GAD2: variants seen among roughly 807,000 people sequenced by gnomAD.
The protein encoded by GAD2 is glutamate decarboxylase 2, also known as 65 kDa glutamic acid decarboxylase.
A neutral mutation model predicts 80.1 loss-of-function variants in GAD2; 22 were observed. The ratio of observed to expected loss-of-function variants is 0.27; its 90% CI spans 0.20 to 0.39. GAD2 has a LOEUF of 0.39. GAD2 is among the 10% of genes least tolerant of loss of function. The pLI is 1.00. For missense variants in GAD2, 624 were observed against 738.4 expected (o/e 0.85, Z 1.80); for synonymous variants, 274 against 256.9 (o/e 1.07, Z -0.64).
intron 8 of GAD2, among the ~76,000 whole-genome samples, chr10:26,258,409 C>T (rs1844969972): frequency 6.6e-6 from 1 of 152,142 alleles, no homozygotes; most frequent in Admixed American, 6.5e-5. Flanking sequence ...CGATCTGAGC[C>T]ATTTTTAATT....
intron 7 of GAD2, among the ~76,000 whole-genome samples, chr10:26,236,165 G>A (rs1844668870): frequency 6.6e-6 from 1 of 152,142 alleles, no homozygotes; most frequent in South Asian, 2.1e-4. Context: ...CCAGGCTGGA[G>A]TACAGTGGCA....
chr10:26,238,443 G>C (rs924996406), intron 7 of GAD2, among the ~76,000 whole-genome samples: 3 of 152,212 alleles, frequency 2.0e-5, no homozygotes, highest in African/African-American at 7.2e-5. Context: ...AATGACTGAA[G>C]ACATACTCAC....
In GAD2 at chr10:26,247,642, T is replaced by A. The variant is rs982266958; in HGVS notation, c.920+1642T>A. Among the ~76,000 whole-genome samples the A allele has an allele frequency of 8.5e-5, 13 of 152,086 alleles. No homozygotes were observed. The East Asian group carries it at 2.5e-3, about 29-fold the overall frequency. On this transcript the variant is annotated intron_variant, in intron 8 of 15. Coordinates refer to ENST00000376261, the MANE Select transcript of GAD2 (RefSeq NM_001134366.2). The stretch of plus-strand genomic sequence containing the variant: ...TGGGGGCAGTGGCTCACGTCTGTAA[T>A]CCCAGCATTTTGGGAGGCCGAGGCG...
At chr10:26,264,723 G>A (rs1004832051) in intron 8 of GAD2, among the ~76,000 whole-genome samples, 3 of 152,176 alleles carry the variant, frequency 2.0e-5, no homozygotes, top group Admixed American at 1.3e-4. Context: ...AGCAGGGATC[G>A]CACAGTTACT....
At position 26,297,207 on chromosome 10, in the gene GAD2, A is replaced by G. The variant is rs570698035; in HGVS notation, c.1585-3581A>G. ...CTCCCAAAGTGCTGGGATTACAGGCATGAGCCACCAAGCCTAGCCAACAGT... is the reference window on the plus strand; with the variant it reads ...CTCCCAAAGTGCTGGGATTACAGGCGTGAGCCACCAAGCCTAGCCAACAGT... On this transcript the variant is annotated intron_variant, in intron 15 of 15. Coordinates refer to ENST00000376261, the MANE Select transcript of GAD2 (RefSeq NM_001134366.2). Among the ~76,000 whole-genome samples the G allele has an allele frequency of 3.9e-5, 6 of 152,326 alleles. No homozygotes were observed. The East Asian group carries it at 7.7e-4, about 20-fold the overall frequency.
intron 8 of GAD2, among the ~76,000 whole-genome samples, chr10:26,252,865 T>A (rs1844896179): frequency 7.0e-6 from 1 of 141,962 alleles, no homozygotes; most frequent in Admixed American, 7.0e-5. Context: ...TCCATGCTGG[T>A]CAGGCTGCTC....
chr10:26,260,380 G>A (rs1265212764), intron 8 of GAD2, among the ~76,000 whole-genome samples: 1 of 152,164 alleles, frequency 6.6e-6, no homozygotes, highest in African/African-American at 2.4e-5. Context: ...TGTAATCCCA[G>A]CACTTTGGAG....
At chr10:26,224,935 A>G (rs1844502406) in intron 6 of GAD2, among the ~76,000 whole-genome samples, 1 of 152,246 alleles carries the variant, frequency 6.6e-6, no homozygotes, top group Non-Finnish European at 1.5e-5. Context: ...ATGTACGGAT[A>G]ATGTGGAACA....
chr10:26,298,542 A>C (rs1023370159), intron 15 of GAD2, among the ~76,000 whole-genome samples: 1 of 152,218 alleles, frequency 6.6e-6, no homozygotes, highest in African/African-American at 2.4e-5. Context: ...TTTGATTTGC[A>C]TTCATCTGAA....
intron 12 of GAD2, among the ~76,000 whole-genome samples, chr10:26,283,487 T>C (rs971994062): frequency 1.3e-5 from 2 of 152,224 alleles, no homozygotes; most frequent in African/African-American, 4.8e-5. Flanking sequence ...AGGCAAAGGA[T>C]ATCAGCTCTA....
intron 7 of GAD2, among the ~76,000 whole-genome samples, chr10:26,235,138 T>C (rs1189088102): frequency 1.3e-5 from 2 of 152,238 alleles, no homozygotes; most frequent in African/African-American, 4.8e-5. Flanking sequence ...CCTTCCAAAG[T>C]TCTGGGATTA....
chr10:26,245,014 A>G (rs548181558), intron 7 of GAD2, among the ~76,000 whole-genome samples: 4 of 152,132 alleles, frequency 2.6e-5, no homozygotes, highest in South Asian at 4.2e-4. Context: ...CTAGCTAGGC[A>G]TGGTGGTGGG....
Position 26,219,012 on chromosome 10 carries a change from T to C in GAD2, c.287-31T>C, listed in dbSNP as rs370046837. 6.8e-6 allele frequency: 10 copies of C among 1,473,876 alleles called. No individual in the cohort carries two copies. The African/African-American group carries it at 1.3e-4, about 19-fold the overall frequency. 91.3% of individuals were successfully genotyped at this position (1,473,876 alleles called of 1,614,324 possible). A position where few individuals can be genotyped will look rare whatever the true frequency, so the allele number is the denominator to read the frequency against. On this transcript the variant is annotated intron_variant, in intron 3 of 15. Coordinates refer to ENST00000376261, the MANE Select transcript of GAD2 (RefSeq NM_001134366.2). ...GCCTTGAATATTTTCAAAGTAAAAT[T>C]AAAATGTGGCATTTTAATTTCATTC...
intron 11 of GAD2, among the ~76,000 whole-genome samples, chr10:26,276,578 G>T (rs998245296): frequency 6.6e-6 from 1 of 151,966 alleles, no homozygotes; most frequent in African/African-American, 2.4e-5. Context: ...AGTAGAGATG[G>T]GGTTTCACCA....
chr10:26,293,061 T>G (rs533686197), intron 15 of GAD2, 70 bp downstream of exon 15: 6 of 1,277,682 alleles, frequency 4.7e-6, no homozygotes, highest in South Asian at 2.4e-5. Flanking sequence ...CTTTATGACA[T>G]ATGCCTGTGG....
At chr10:26,242,010 T>C (rs187253036) in intron 7 of GAD2, among the ~76,000 whole-genome samples, 2 of 152,056 alleles carry the variant, frequency 1.3e-5, no homozygotes, top group Non-Finnish European at 2.9e-5. Flanking sequence ...AGACAGAGTC[T>C]CACTCTGTTG....
chr10:26,248,103 A>T (rs1589143366), intron 8 of GAD2, among the ~76,000 whole-genome samples: 1 of 152,284 alleles, frequency 6.6e-6, no homozygotes, highest in East Asian at 1.9e-4. Context: ...CTTAAGACTC[A>T]GCCTCCCCGA....
intron 12 of GAD2, among the ~76,000 whole-genome samples, chr10:26,282,091 C>T (rs1270142037): frequency 5.9e-5 from 9 of 151,612 alleles, no homozygotes; most frequent in African/African-American, 2.2e-4. Flanking sequence ...TACAGGCACC[C>T]GCCACCACAC....
intron 7 of GAD2, among the ~76,000 whole-genome samples, chr10:26,236,092 T>G (rs76023131): frequency 0.05 from 7,683 of 152,148 alleles, 654 homozygotes; most frequent in African/African-American, 0.17. Context: ...GGGGAGGTAA[T>G]TCTCAAAATT....
Sources: gnomAD v4.1 joint callset for allele counts (sites outside exome capture counted in the v4.1 genomes callset) on GRCh38, gnomAD v4.1.1 for gene constraint, MANE v1.5 for transcripts, NCBI Gene and HGNC (gene_info 2026-07-23, HGNC 2026-07-21) for gene names.